The following NXPH2 variants were observed in gnomAD, a reference collection of about 807,000 sequenced individuals.
The protein encoded by NXPH2 is neurexophilin-2.
A neutral mutation model predicts 19.8 loss-of-function variants in NXPH2; 5 were observed. The observed-to-expected ratio is 0.25, with a 90% CI of 0.13 to 0.53. NXPH2 has a LOEUF of 0.53. NXPH2 is among the 20% of genes least tolerant of loss of function. The probability of loss-of-function intolerance (pLI) is 0.96; values close to 1 mark genes in which losing one functional copy is unlikely to be tolerated. For synonymous variants in NXPH2, 154 were observed against 127.4 expected, an observed-to-expected ratio of 1.21 and a Z score of -1.41; for missense variants, 289 against 322.8, an observed-to-expected ratio of 0.90 and a Z score of 0.80.
chr2:138,772,590 C>T (rs910779594), intron 1 of NXPH2, among the ~76,000 whole-genome samples: 2 of 152,192 alleles, frequency 1.3e-5, no homozygotes, highest in African/African-American at 4.8e-5. Context: ...AGCCACCGCG[C>T]CCGGCCCATG....
At chr2:138,751,598 G>C (rs185595364) in intron 1 of NXPH2, among the ~76,000 whole-genome samples, 15 of 152,038 alleles carry the variant, frequency 9.9e-5, no homozygotes, top group Admixed American at 9.2e-4. Flanking sequence ...ACAGGGGAAA[G>C]TTTTGCCTCT....
rs2104963876 is a variant in NXPH2 at position 138,673,018 on chromosome 2, A to T, written c.52-1353T>A. 1.3e-5 allele frequency among the ~76,000 whole-genome samples: 2 copies of T among 152,310 alleles called. 1 individual carries two copies. The highest frequency in any genetic ancestry group is 4.8e-5 in the African/African-American group (2 of 41,562). Reference sequence around the variant, plus strand: ...CCCAAATCACTTTAAGAATTCAAGGACTCAAAATGTATAGATAGGTTTCTT... The same window carrying T: ...CCCAAATCACTTTAAGAATTCAAGGTCTCAAAATGTATAGATAGGTTTCTT... On this transcript the variant is annotated intron_variant, in intron 1 of 1. Coordinates refer to ENST00000272641, the MANE Select transcript of NXPH2 (RefSeq NM_007226.3).
chr2:138,722,305 A>G (rs1364778530), intron 1 of NXPH2, among the ~76,000 whole-genome samples: 2 of 152,274 alleles, frequency 1.3e-5, no homozygotes, highest in Non-Finnish European at 2.9e-5. Flanking sequence ...AGCTTTGAAC[A>G]CATTTTGGAA....
chr2:138,741,608 A>T (rs563942997), intron 1 of NXPH2, among the ~76,000 whole-genome samples: 1 of 152,324 alleles, frequency 6.6e-6, no homozygotes, highest in African/African-American at 2.4e-5. Flanking sequence ...CATAAATCCT[A>T]TTTTGAAATA....
At chr2:138,707,092 G>GAAAAAAAAAAAA (rs1242493874) in intron 1 of NXPH2, among the ~76,000 whole-genome samples, 2 of 1,154 alleles carry the variant, frequency 1.7e-3, no homozygotes, top group Non-Finnish European at 5.5e-3. Flanking sequence ...CTTGCCCCAT[G>GAAAAAAAAAAAA]ACAAAAAAAA....
chr2:138,726,868 G>A lies in NXPH2; in HGVS notation c.51+53323C>T, dbSNP rs116130140. Among the ~76,000 whole-genome samples the A allele has an allele frequency of 9.1e-3, 1,381 of 152,244 alleles. 15 individuals are homozygous for A. The highest frequency in any genetic ancestry group is 0.032 in the African/African-American group (1,309 of 41,544). On this transcript the variant is annotated intron_variant, in intron 1 of 1. Coordinates refer to ENST00000272641, the MANE Select transcript of NXPH2 (RefSeq NM_007226.3). ...ACATTCTATGGGTTTGGACAAACAT[G>A]TAGTAACATGTATCCACCATTATAG... is the stretch of plus-strand genomic sequence containing the variant.
chr2:138,697,120 A>G (rs1414013527), intron 1 of NXPH2, among the ~76,000 whole-genome samples: 1 of 152,166 alleles, frequency 6.6e-6, no homozygotes, highest in Admixed American at 6.6e-5. Context: ...AAACTCTAGA[A>G]TAGGCAAAAC....
chr2:138,737,942 G>A (rs1681578881), intron 1 of NXPH2, among the ~76,000 whole-genome samples: 1 of 151,018 alleles, frequency 6.6e-6, no homozygotes, highest in Non-Finnish European at 1.5e-5. Flanking sequence ...TATACTTTAA[G>A]TTTTAGGGTA....
At chr2:138,748,459 A>G (rs1003210771) in intron 1 of NXPH2, among the ~76,000 whole-genome samples, 40 of 152,216 alleles carry the variant, frequency 2.6e-4, no homozygotes, top group African/African-American at 8.2e-4. Context: ...TGGGACAATT[A>G]TAGGACAAGA....
At chr2:138,768,711 T>C (rs1682128918) in intron 1 of NXPH2, among the ~76,000 whole-genome samples, 1 of 152,204 alleles carries the variant, frequency 6.6e-6, no homozygotes, top group Non-Finnish European at 1.5e-5. Context: ...TCAGTTTCTG[T>C]TGCTTGTGCA....
rs906385260 is a variant in NXPH2 at position 138,724,198 on chromosome 2, T to A, written c.52-52533A>T. 3.9e-5 allele frequency among the ~76,000 whole-genome samples: 6 copies of A among 152,232 alleles called. No individual in the cohort carries two copies. The East Asian group carries it at 1.2e-3, about 29-fold the overall frequency. ...TAAGTGAAAGCATGTGGTATTTGGT[T>A]TTCTGTTCCTGTGTTAGTTCCAGCT... On this transcript the variant is annotated intron_variant, in intron 1 of 1. Coordinates refer to ENST00000272641, the MANE Select transcript of NXPH2 (RefSeq NM_007226.3).
intron 1 of NXPH2, among the ~76,000 whole-genome samples, chr2:138,694,736 G>C (rs921870874): frequency 3.3e-5 from 5 of 152,142 alleles, no homozygotes; most frequent in African/African-American, 1.2e-4. Flanking sequence ...CTGACTTTAT[G>C]ATGGTGTGAA....
intron 1 of NXPH2, among the ~76,000 whole-genome samples, chr2:138,757,775 GTGTA>G (rs1435356300): frequency 2.7e-5 from 4 of 150,508 alleles, no homozygotes; most frequent in East Asian, 2.0e-4. Context: ...GTGTGCATGT[GTGTA>G]TGTATGTGTA....
chr2:138,774,545 A>T (rs1682230078), intron 1 of NXPH2, among the ~76,000 whole-genome samples: 1 of 152,236 alleles, frequency 6.6e-6, no homozygotes, highest in Non-Finnish European at 1.5e-5. Flanking sequence ...ACAACATATT[A>T]AAAAAGGAGA....
At chr2:138,716,740 C>T (rs555165430) in intron 1 of NXPH2, among the ~76,000 whole-genome samples, 5 of 152,220 alleles carry the variant, frequency 3.3e-5, no homozygotes, top group South Asian at 2.1e-4. Context: ...CAGTGAAAAG[C>T]GGCATGACAC....
At chr2:138,692,074 G>T (rs1680755474) in intron 1 of NXPH2, among the ~76,000 whole-genome samples, 1 of 152,150 alleles carries the variant, frequency 6.6e-6, no homozygotes, top group South Asian at 2.1e-4. Flanking sequence ...TCAGAGCTTT[G>T]CCCTATAGAT....
chr2:138,696,996 A>G (rs1021453477), intron 1 of NXPH2, among the ~76,000 whole-genome samples: 10 of 152,186 alleles, frequency 6.6e-5, no homozygotes, highest in Admixed American at 3.9e-4. Context: ...GTAATTTCAT[A>G]TAATTAAATA....
intron 1 of NXPH2, among the ~76,000 whole-genome samples, chr2:138,757,123 G>C (rs1681921366): frequency 6.6e-6 from 1 of 152,184 alleles, no homozygotes; most frequent in South Asian, 2.1e-4. Flanking sequence ...TTTACATAGA[G>C]ATTTCCATTA....
In NXPH2 at chr2:138,671,651, A is replaced by G. The variant is rs1680418763; in HGVS notation, c.66T>C (p.Ser22=). The G allele has an allele frequency of 1.3e-6, 2 of 1,559,078 alleles. No homozygotes were observed. Among genetic ancestry groups the G allele is most frequent in the African/African-American group, 1.4e-5 (1 of 72,842 alleles). Residue 22 remains serine, a synonymous_variant, in exon 2 of 2, where the codon AGT becomes AGC. Transcript: ENST00000272641. ...CCTCCGTGGCATGCACCACTTCCTT[A>G]CTGTCACAAAATAGCTGTTTGAAAA... ...PGLLQLLFCD[S]KEVVHATEGL...
Sources: allele counts gnomAD v4.1 joint callset (sites outside exome capture counted in the v4.1 genomes callset), GRCh38; gene constraint gnomAD v4.1.1; transcripts MANE v1.5; gene names NCBI Gene and HGNC (gene_info 2026-07-23, HGNC 2026-07-21).